CORIN: variants seen among roughly 807,000 people sequenced by gnomAD.
CORIN encodes the protein atrial natriuretic peptide-converting enzyme.
In CORIN, 117 loss-of-function variants were observed where a neutral mutation model predicts 125.3. The observed-to-expected ratio is 0.93, with a 90% CI of 0.80 to 1.09. The LOEUF is 1.09. Ranked by LOEUF, CORIN falls within the 50% of genes least tolerant of loss-of-function variation. The probability of loss-of-function intolerance (pLI) is 0.00; values close to 1 mark genes in which losing one functional copy is unlikely to be tolerated. For missense variants in CORIN, 1,253 were observed against 1,306.7 expected (o/e 0.96, Z 0.63); for synonymous variants, 450 against 466.4 (o/e 0.96, Z 0.45).
chr4:47,807,367 C>A (rs778490674), intron 1 of CORIN, among the ~76,000 whole-genome samples: 1 of 152,184 alleles, frequency 6.6e-6, no homozygotes, highest in Non-Finnish European at 1.5e-5. Context: ...ATGACCATGG[C>A]AAAACCTTAC....
intron 1 of CORIN, among the ~76,000 whole-genome samples, chr4:47,824,073 A>T (rs1732635249): frequency 6.6e-6 from 1 of 151,822 alleles, no homozygotes; most frequent in African/African-American, 2.4e-5. Flanking sequence ...GGAATAGGAA[A>T]ATCCAAAGTT....
chr4:47,626,815 A>C (rs1722588810), intron 16 of CORIN, among the ~76,000 whole-genome samples: 2 of 152,236 alleles, frequency 1.3e-5, no homozygotes, highest in Admixed American at 1.3e-4. Flanking sequence ...AAATGTATCT[A>C]GCTAGGTTTT....
In CORIN at chr4:47,603,396, C is replaced by T. The variant is rs1487445452; in HGVS notation, c.2812+1G>A. Reference sequence around the variant, plus strand: ...GAGAATGGACTAATACACTGGCTTACTTTTATTGCCCATGTGGCCCCAGCC... The same window carrying T: ...GAGAATGGACTAATACACTGGCTTATTTTTATTGCCCATGTGGCCCCAGCC... On this transcript the variant is annotated splice_donor_variant, in intron 20 of 21. Coordinates refer to ENST00000273857, the MANE Select transcript of CORIN (RefSeq NM_006587.4). LOFTEE classifies it high-confidence loss of function. 1.2e-5 allele frequency: 19 copies of T among 1,613,514 alleles called. No individual in the cohort carries two copies. Among genetic ancestry groups the T allele is most frequent in the Non-Finnish European group, 1.6e-5 (19 of 1,179,946 alleles).
intron 17 of CORIN, 120 bp downstream of exon 17, chr4:47,626,285 A>C: frequency 3.0e-6 from 2 of 668,556 alleles, no homozygotes; most frequent in Non-Finnish European, 5.4e-6. Context: ...AAATCTATGG[A>C]AACTCTTTAC....
At chr4:47,709,053 G>A (rs1248432969) in intron 5 of CORIN, among the ~76,000 whole-genome samples, 2 of 152,154 alleles carry the variant, frequency 1.3e-5, no homozygotes, top group Non-Finnish European at 2.9e-5. Flanking sequence ...ATGGCCTGAC[G>A]AGGAGCTTAG....
chr4:47,672,479 T>G (rs1385362708), intron 10 of CORIN, among the ~76,000 whole-genome samples: 1 of 152,134 alleles, frequency 6.6e-6, no homozygotes, highest in Non-Finnish European at 1.5e-5. Context: ...AAAACTTTAA[T>G]AGTAAACACA....
intron 7 of CORIN, chr4:47,681,229 A>T (rs561146820): frequency 6.6e-6 from 1 of 152,386 alleles, no homozygotes; most frequent in South Asian, 2.1e-4. Flanking sequence ...ATCTTAAAGC[A>T]TATTTTGGAT....
chr4:47,685,562 A>G (rs1210234911), intron 6 of CORIN, among the ~76,000 whole-genome samples: 1 of 152,162 alleles, frequency 6.6e-6, no homozygotes, highest in African/African-American at 2.4e-5. Flanking sequence ...GGGAGATGCA[A>G]ACATTCTAGA....
At chr4:47,740,478 C>T (rs973432615) in intron 5 of CORIN, among the ~76,000 whole-genome samples, 1 of 151,860 alleles carries the variant, frequency 6.6e-6, no homozygotes, top group African/African-American at 2.4e-5. Context: ...ATTAAAAAAT[C>T]CCTCCTCTTT....
At chr4:47,834,326 A>T (rs1214682067) in intron 1 of CORIN, among the ~76,000 whole-genome samples, 1 of 152,208 alleles carries the variant, frequency 6.6e-6, no homozygotes, top group Non-Finnish European at 1.5e-5. Flanking sequence ...CCTAGAGGAC[A>T]CTATGCTAAG....
At chr4:47,792,548 G>T (rs987731477) in intron 2 of CORIN, among the ~76,000 whole-genome samples, 5 of 152,280 alleles carry the variant, frequency 3.3e-5, no homozygotes, top group Admixed American at 6.5e-5. Flanking sequence ...TCCCTTCGAG[G>T]TCTCTGGTTT....
At chr4:47,823,820 C>A (rs973564390) in intron 1 of CORIN, among the ~76,000 whole-genome samples, 1 of 152,222 alleles carries the variant, frequency 6.6e-6, no homozygotes, top group Non-Finnish European at 1.5e-5. Flanking sequence ...TCCCAGACGC[C>A]GTGCTCATTC....
intron 11 of CORIN, among the ~76,000 whole-genome samples, chr4:47,663,612 C>T (rs2109668977): frequency 6.6e-6 from 1 of 152,194 alleles, no homozygotes; most frequent in Non-Finnish European, 1.5e-5. Flanking sequence ...TTATAAATTA[C>T]ATCTGGATAT....
intron 2 of CORIN, among the ~76,000 whole-genome samples, chr4:47,799,181 T>G (rs753799637): frequency 1.5e-4 from 23 of 151,238 alleles, no homozygotes; most frequent in Non-Finnish European, 2.7e-4. Context: ...AATCTACCAC[T>G]GATGGACACC....
chr4:47,609,432 G>C (rs1721785318), intron 19 of CORIN, among the ~76,000 whole-genome samples: 1 of 152,036 alleles, frequency 6.6e-6, no homozygotes, highest in South Asian at 2.1e-4. Context: ...TAGAGACAGG[G>C]TTTCACCATG....
chr4:47,717,297 A>G (rs2088044210), intron 5 of CORIN, among the ~76,000 whole-genome samples: 1 of 152,132 alleles, frequency 6.6e-6, no homozygotes, highest in African/African-American at 2.4e-5. Flanking sequence ...TCTCACCCAC[A>G]GCTTTGACCA....
intron 3 of CORIN, among the ~76,000 whole-genome samples, chr4:47,768,282 C>T (rs1385886768): frequency 6.6e-6 from 1 of 152,198 alleles, no homozygotes; most frequent in Non-Finnish European, 1.5e-5. Context: ...GTTGCTCACA[C>T]AAAGCCTGTT....
At chr4:47,669,973 T>C (rs35736575) in intron 10 of CORIN, among the ~76,000 whole-genome samples, 45,375 of 152,146 alleles carry the variant, frequency 0.3, 9,015 homozygotes, top group East Asian at 0.63. Flanking sequence ...TCGTAGTCTT[T>C]GGGTTCCTCC....
In CORIN at chr4:47,623,697, C is replaced by G. The variant is rs989604895; in HGVS notation, c.2414G>C (p.Gly805Ala). The change falls in exon 19 of 22, where the codon GGT (glycine) becomes GCT (alanine). Residue 805 changes from glycine (G) to alanine (A), a missense_variant. Physicochemically the swap from Gly to Ala is moderately conservative, Grantham distance 60. Coordinates refer to ENST00000273857, the MANE Select transcript of CORIN (RefSeq NM_006587.4). ...CCACCTTCCAGGGCGACTCGTCCGACCTCCAAGGATCCTTTTGTTCATTCG... is the reference window on the plus strand; with the variant it reads ...CCACCTTCCAGGGCGACTCGTCCGAGCTCCAAGGATCCTTTTGTTCATTCG... ...AARMNKRILG[G>A]RTSRPGRWPW... The G allele has an allele frequency of 1.9e-6, 3 of 1,614,234 alleles. No individual in the cohort carries two copies. In the East Asian group the frequency reaches 6.7e-5, roughly 36 times the overall value.
Sources: gnomAD v4.1 joint callset for allele counts (sites outside exome capture counted in the v4.1 genomes callset) on GRCh38, gnomAD v4.1.1 for gene constraint, MANE v1.5 for transcripts, NCBI Gene and HGNC (gene_info 2026-07-23, HGNC 2026-07-21) for gene names.